Variants in INTS10 observed in about 807,000 individuals in gnomAD.
INTS10 encodes chromosome 8 open reading frame 35.
INTS10 carries 44 observed loss-of-function variants against 94.4 expected under a neutral mutation model. The observed-to-expected ratio is 0.47, with a 90% CI of 0.37 to 0.60. The LOEUF is 0.60. INTS10 is among the 20% of genes least tolerant of loss of function. The pLI is 0.00. For missense variants in INTS10, 797 were observed against 868.7 expected, an observed-to-expected ratio of 0.92 and a Z score of 1.04; for synonymous variants, 341 against 320.7, an observed-to-expected ratio of 1.06 and a Z score of -0.68.
Position 19,819,422 on chromosome 8 carries a change from C to G in INTS10, c.198-151C>G, listed in dbSNP as rs186504434. 33 of 523,356 alleles carry G rather than the reference C, an allele frequency of 6.3e-5. No individual in the cohort carries two copies. The East Asian group carries it at 1.0e-3, about 16-fold the overall frequency. 32.4% of individuals were successfully genotyped at this position (523,356 alleles called of 1,614,324 possible). On this transcript the variant is annotated intron_variant, in intron 2 of 16. Transcript: ENST00000397977. ...TCTCATTTTTATAAATCAAGTAATT[C>G]TTATTTTTACATTTTTATTTTGGTT...
chr8:19,825,079 G>C, intron 8 of INTS10, 107 bp downstream of exon 8: 1 of 950,252 alleles, frequency 1.1e-6, no homozygotes, highest in East Asian at 2.4e-5. Context: ...TAACTGTGGG[G>C]CAGTACCAGT....
intron 11 of INTS10, 94 bp downstream of exon 11, chr8:19,832,204 C>T (rs2067284722): frequency 2.7e-6 from 2 of 746,468 alleles, no homozygotes; most frequent in South Asian, 1.4e-5. Context: ...CATGTTCCCT[C>T]TTGGGCTAGT....
At chr8:19,822,156 T>C in intron 4 of INTS10, 1 of 234,214 alleles carries the variant, frequency 4.3e-6, no homozygotes, top group Admixed American at 5.4e-5. Flanking sequence ...CCTTTACATT[T>C]CTATAGACAT....
chr8:19,838,749 A>T (rs1375735126), intron 13 of INTS10, among the ~76,000 whole-genome samples: 1 of 152,190 alleles, frequency 6.6e-6, no homozygotes, highest in East Asian at 1.9e-4. Flanking sequence ...ATGACCAGGT[A>T]TACCAGGAAT....
In INTS10 at chr8:19,823,906, G is replaced by C. The variant is rs757608465; in HGVS notation, c.698G>C (p.Ser233Thr). Residue 233 changes from serine (S) to threonine (T), a missense_variant, in exon 7 of 17, where the codon AGC (serine) becomes ACC (threonine). Physicochemically the swap from Ser to Thr is moderately conservative, Grantham distance 58. Around this residue, in one of 3 missense-constraint regions of INTS10, gnomAD observed 734 missense variants for 787.8 expected, o/e 0.93. Transcript: ENST00000397977. ...AQDTSDLMSP[S>T]KRSSQKYIIE... is the part of the protein sequence containing the mutation. ...GATACATCTGATTTAATGTCACCTA[G>C]CAAACGTAGCTCTCAGAAGTACATA... 1 of 1,611,216 alleles carries C rather than the reference G, an allele frequency of 6.2e-7. No homozygotes were observed. Among genetic ancestry groups the C allele is most frequent in the Non-Finnish European group, 8.5e-7 (1 of 1,179,114 alleles).
Position 19,843,349 on chromosome 8 carries a change from T to C in INTS10, c.1719+422T>C, listed in dbSNP as rs1337481094. 6.6e-6 allele frequency among the ~76,000 whole-genome samples: 1 copy of C among 152,066 alleles called. No homozygotes were observed. Among genetic ancestry groups the C allele is most frequent in the Non-Finnish European group, 1.5e-5 (1 of 68,012 alleles). On this transcript the variant is annotated intron_variant, in intron 14 of 16. Coordinates refer to ENST00000397977, the MANE Select transcript of INTS10 (RefSeq NM_018142.4). This position sits in a 1 kb window ranked among gnomAD's most constrained non-coding sequence, Gnocchi z 4.7. Reference sequence around the variant, plus strand: ...ATCAACACCAGTAACAGCCCAACAGTTGGGAAAGTTCCGGGACTTGAAAGA... The same window carrying C: ...ATCAACACCAGTAACAGCCCAACAGCTGGGAAAGTTCCGGGACTTGAAAGA...
chr8:19,835,813 GCTGC>G (rs2067610453), intron 12 of INTS10, among the ~76,000 whole-genome samples: 1 of 152,190 alleles, frequency 6.6e-6, no homozygotes, highest in Admixed American at 6.5e-5. Context: ...ATGACCTAGG[GCTGC>G]TGGGGCCACC....
In INTS10 at chr8:19,823,870, C is replaced by A; in HGVS notation, c.665-3C>A. The A allele has an allele frequency of 6.3e-7, 1 of 1,575,104 alleles. No individual in the cohort carries two copies. The highest frequency in any genetic ancestry group is 1.2e-5 in the South Asian group (1 of 84,744). On this transcript the variant is annotated splice_polypyrimidine_tract_variant and splice_region_variant and intron_variant, in intron 6 of 16. Coordinates refer to ENST00000397977, the MANE Select transcript of INTS10 (RefSeq NM_018142.4). ...TGTAGGCTACTTTTTTCTTACATCT[C>A]AGGCGCCCAGGATACATCTGATTTA... is the stretch of plus-strand genomic sequence containing the variant.
chr8:19,851,923 A>G lies in INTS10; in HGVS notation c.*118A>G. The G allele has an allele frequency of 1.2e-6, 1 of 832,482 alleles. No individual in the cohort carries two copies. The highest frequency in any genetic ancestry group is 1.9e-6 in the Non-Finnish European group (1 of 538,842). 51.6% of individuals were successfully genotyped at this position (832,482 alleles called of 1,614,324 possible). On this transcript the variant is annotated 3_prime_UTR_variant, in exon 17 of 17. Transcript: ENST00000397977. The surrounding 1 kb of genome is among the most constrained non-coding windows in gnomAD (Gnocchi z 5.0). The stretch of plus-strand genomic sequence containing the variant: ...TGTTGCTGTTACAAAGAAGAAAACC[A>G]TCTGAGTTCTAACTCCTTGGTTGCT...
intron 13 of INTS10, among the ~76,000 whole-genome samples, chr8:19,842,233 T>C (rs545389348): frequency 1.5e-3 from 223 of 152,172 alleles, no homozygotes; most frequent in Non-Finnish European, 2.2e-3. Flanking sequence ...ATGAATGAAC[T>C]AGAGCTATGT....
At chr8:19,832,786 AGGT>A (rs2067335176) in intron 11 of INTS10, among the ~76,000 whole-genome samples, 2 of 152,196 alleles carry the variant, frequency 1.3e-5, no homozygotes, top group Non-Finnish European at 2.9e-5. Flanking sequence ...TTCACGAATG[AGGT>A]GGTGTCGGAA....
In INTS10 at chr8:19,820,530, T is replaced by C. The variant is rs1364573138; in HGVS notation, c.441+12T>C. 2 of 1,598,662 alleles carry C rather than the reference T, an allele frequency of 1.3e-6. No homozygotes were observed. Among genetic ancestry groups the C allele is most frequent in the Non-Finnish European group, 8.5e-7 (1 of 1,170,614 alleles). ...TGGTGCAGCATGGGGTGAGATTTGA[T>C]TCTTCCCCTTCTTTTAATATAAAAT... On this transcript the variant is annotated intron_variant, in intron 4 of 16. Coordinates refer to ENST00000397977, the MANE Select transcript of INTS10 (RefSeq NM_018142.4).
intron 13 of INTS10, among the ~76,000 whole-genome samples, chr8:19,842,228 T>C (rs1462694804): frequency 6.6e-6 from 1 of 152,236 alleles, no homozygotes; most frequent in African/African-American, 2.4e-5. Flanking sequence ...TGAAAATGAA[T>C]GAACTAGAGC....
intron 4 of INTS10, 182 bp from the exon 5 acceptor site, chr8:19,822,256 GC>G: frequency 2.3e-6 from 1 of 441,852 alleles, no homozygotes. Flanking sequence ...GGTGAATTTG[GC>G]CTTCTAGGGT....
At chr8:19,841,221 TA>T (rs2128800686) in intron 13 of INTS10, among the ~76,000 whole-genome samples, 1 of 152,312 alleles carries the variant, frequency 6.6e-6, no homozygotes, top group Admixed American at 6.5e-5. Context: ...TCACACTACA[TA>T]GACATCCTTT....
intron 7 of INTS10, 108 bp from the exon 8 acceptor site, chr8:19,824,695 C>T: frequency 1.5e-6 from 1 of 685,682 alleles, no homozygotes; most frequent in Non-Finnish European, 2.4e-6. Context: ...TTTTACATGC[C>T]TAGGGCAACA....
chr8:19,832,628 G>T (rs974913205), intron 11 of INTS10, among the ~76,000 whole-genome samples: 7 of 152,196 alleles, frequency 4.6e-5, no homozygotes, highest in Non-Finnish European at 7.4e-5. Flanking sequence ...GTTACTTTTG[G>T]TATATCCAAT....
chr8:19,825,369 T>TA (rs2066714047), intron 8 of INTS10, among the ~76,000 whole-genome samples: 1 of 151,894 alleles, frequency 6.6e-6, no homozygotes, highest in Non-Finnish European at 1.5e-5. Flanking sequence ...CTACTAAAAA[T>TA]ACAAATATTA....
At chr8:19,817,792 C>A in intron 1 of INTS10, 126 bp downstream of exon 1, 1 of 1,135,418 alleles carries the variant, frequency 8.8e-7, no homozygotes, top group Non-Finnish European at 1.2e-6. Flanking sequence ...CCTGCTTTCT[C>A]CCCTCCCACC....
Sources: gnomAD v4.1 joint callset for allele counts (sites outside exome capture counted in the v4.1 genomes callset) on GRCh38, gnomAD v4.1.1 for gene constraint, gnomAD v4.1.1 regional missense constraint, Gnocchi (gnomAD v3.1) non-coding constraint, MANE v1.5 for transcripts, NCBI Gene and HGNC (gene_info 2026-07-23, HGNC 2026-07-21) for gene names.